The following ARIH2 variants were observed in gnomAD, a reference collection of about 807,000 sequenced individuals.
ARIH2 encodes the protein ariadne RBR E3 ubiquitin protein ligase 2.
A neutral mutation model predicts 79.8 loss-of-function variants in ARIH2; 12 were observed. The ratio of observed to expected loss-of-function variants is 0.15; its 90% CI spans 0.10 to 0.24. The LOEUF (loss-of-function observed/expected upper bound fraction) is 0.24. Ranked by LOEUF, ARIH2 falls within the 10% of genes least tolerant of loss-of-function variation. The pLI is 1.00. For missense variants in ARIH2, 301 were observed against 618.3 expected (o/e 0.49, Z 5.44); for synonymous variants, 224 against 213.9 (o/e 1.05, Z -0.41).
intron 3 of ARIH2, 34 bp downstream of exon 3, chr3:48,927,847 C>G: frequency 6.2e-7 from 1 of 1,604,296 alleles, no homozygotes; most frequent in Non-Finnish European, 8.5e-7. Context: ...TGTAATCCCC[C>G]CCAGTTAAAT....
intron 3 of ARIH2, chr3:48,934,574 A>C (rs959082353): frequency 1.0e-6 from 1 of 985,448 alleles, no homozygotes; most frequent in East Asian, 1.1e-4. Flanking sequence ...CCTCTATCTA[A>C]GTAGAACTTA....
chr3:48,967,145 T>C lies in ARIH2; in HGVS notation c.408T>C (p.Pro136=). The change falls in exon 6 of 16, where the codon CCT becomes CCC. Residue 136 remains proline (P), a synonymous_variant. Coordinates refer to ENST00000356401, the MANE Select transcript of ARIH2 (RefSeq NM_006321.4). ...TCCAGGTTCCCACATCCCATCCCCC[T>C]CACCACTGTGCAGTGTGTATGCAGT... ...PSKHVPTSHP[P]HHCAVCMQFV... The C allele has an allele frequency of 1.2e-6, 2 of 1,613,870 alleles. No homozygotes were observed. The highest frequency in any genetic ancestry group is 4.5e-5 in the East Asian group (2 of 44,864).
intron 11 of ARIH2, among the ~76,000 whole-genome samples, chr3:48,979,177 A>G (rs2092663944): frequency 6.6e-6 from 1 of 152,214 alleles, no homozygotes; most frequent in Non-Finnish European, 1.5e-5. Context: ...TGGCATTGAC[A>G]TAGCAGACCA....
Position 48,973,638 on chromosome 3 carries a change from A to G in ARIH2, c.771-61A>G. On this transcript the variant is annotated intron_variant, in intron 8 of 15. Coordinates refer to ENST00000356401, the MANE Select transcript of ARIH2 (RefSeq NM_006321.4). ...ATTTGTTGGCTTGGATAAAAGGAAA[A>G]TTTTGAACATGGGACCCTGACTTAA... 8.3e-6 allele frequency: 11 copies of G among 1,327,320 alleles called. No individual in the cohort carries two copies. The South Asian group carries it at 1.4e-4, about 17-fold the overall frequency. The allele number at this position is 1,327,320 out of a possible 1,614,324, so 82.2% of individuals were successfully genotyped here.
At chr3:48,982,274 A>G (rs556720337) in intron 14 of ARIH2, among the ~76,000 whole-genome samples, 2 of 152,358 alleles carry the variant, frequency 1.3e-5, no homozygotes, top group African/African-American at 4.8e-5. Flanking sequence ...AAGGTTATAT[A>G]TAACATTTTA....
At chr3:48,971,410 A>G (rs920831868) in intron 8 of ARIH2, among the ~76,000 whole-genome samples, 2 of 152,106 alleles carry the variant, frequency 1.3e-5, no homozygotes, top group Admixed American at 6.5e-5. Context: ...ATGCCCAGCT[A>G]ATTTTTGTAT....
At chr3:48,946,843 G>C (rs1391261802) in intron 3 of ARIH2, among the ~76,000 whole-genome samples, 1 of 152,022 alleles carries the variant, frequency 6.6e-6, no homozygotes, top group Non-Finnish European at 1.5e-5. Flanking sequence ...GCCTTCTCTG[G>C]ACTACCCAGA....
At chr3:48,933,294 A>C (rs2086641708) in intron 3 of ARIH2, among the ~76,000 whole-genome samples, 1 of 140,288 alleles carries the variant, frequency 7.1e-6, no homozygotes, top group Non-Finnish European at 1.5e-5. Flanking sequence ...GTGTGATCAC[A>C]GGTGCGCACC....
rs1425235862 is a variant in ARIH2, at chr3:48,918,912, G to A, written c.-248G>A. The A allele has an allele frequency of 1.9e-6, 3 of 1,600,650 alleles. No homozygotes were observed. The highest frequency in any genetic ancestry group is 2.5e-6 in the Non-Finnish European group (3 of 1,176,852). On this transcript the variant is annotated 5_prime_UTR_variant, in exon 1 of 16. Coordinates refer to ENST00000356401, the MANE Select transcript of ARIH2 (RefSeq NM_006321.4). The stretch of plus-strand genomic sequence containing the variant: ...CCGGCGTCGGCCCGCCGCCTCCGCT[G>A]CCGCTTCGCCCCAATCCGGTCCCTC...
chr3:48,946,144 A>G (rs550685256), intron 3 of ARIH2, among the ~76,000 whole-genome samples: 1 of 152,210 alleles, frequency 6.6e-6, no homozygotes, highest in South Asian at 2.1e-4. Context: ...TATTCACTTC[A>G]TTACATCTCT....
chr3:48,979,740 A>C, intron 12 of ARIH2, 107 bp downstream of exon 12: 1 of 1,272,066 alleles, frequency 7.9e-7, no homozygotes. Flanking sequence ...TGCACATAGA[A>C]GTCAGTGAAT....
chr3:48,933,070 G>A (rs189544106), intron 3 of ARIH2, among the ~76,000 whole-genome samples: 20 of 152,310 alleles, frequency 1.3e-4, no homozygotes, highest in African/African-American at 4.3e-4. Flanking sequence ...ATAGGAATAG[G>A]TTTTTAATAG....
intron 13 of ARIH2, 107 bp downstream of exon 13, chr3:48,980,603 G>C: frequency 7.6e-7 from 1 of 1,312,688 alleles, no homozygotes; most frequent in Non-Finnish European, 1.0e-6. Context: ...TTAGCACCCT[G>C]TGCAGCCTTT....
At chr3:48,932,648 A>G (rs1024979052) in intron 3 of ARIH2, among the ~76,000 whole-genome samples, 1 of 152,232 alleles carries the variant, frequency 6.6e-6, no homozygotes, top group South Asian at 2.1e-4. Flanking sequence ...AAGCCCAGGC[A>G]GGATCATGAC....
chr3:48,966,357 T>G (rs963063867), intron 5 of ARIH2, among the ~76,000 whole-genome samples: 5 of 152,210 alleles, frequency 3.3e-5, no homozygotes, highest in African/African-American at 1.2e-4. Context: ...CTAATGTTCT[T>G]GTAAGTGGAC....
At chr3:48,934,797 C>T (rs2086887401) in intron 3 of ARIH2, 1 of 985,260 alleles carries the variant, frequency 1.0e-6, no homozygotes, top group South Asian at 4.7e-5. Context: ...TTATTGTCAT[C>T]GCTGTGTACC....
At chr3:48,927,874 G>T in intron 3 of ARIH2, 61 bp downstream of exon 3, 1 of 1,572,946 alleles carries the variant, frequency 6.4e-7, no homozygotes, top group Non-Finnish European at 8.6e-7. Flanking sequence ...ATGAGCTGTT[G>T]TTAATTAATG....
chr3:48,920,420 C>CT (rs1231760268), intron 1 of ARIH2, among the ~76,000 whole-genome samples: 24 of 111,340 alleles, frequency 2.2e-4, no homozygotes, highest in South Asian at 1.1e-3. Flanking sequence ...AGTTCTCTCT[C>CT]TTTTTTTTTT....
At chr3:48,931,344 G>A (rs1453376277) in intron 3 of ARIH2, among the ~76,000 whole-genome samples, 1 of 151,146 alleles carries the variant, frequency 6.6e-6, no homozygotes, top group Non-Finnish European at 1.5e-5. Flanking sequence ...AGGAGATCAA[G>A]ATCATCCTGG....
Sources: allele counts gnomAD v4.1 joint callset (sites outside exome capture counted in the v4.1 genomes callset), GRCh38; gene constraint gnomAD v4.1.1; transcripts MANE v1.5; gene names NCBI Gene and HGNC (gene_info 2026-07-23, HGNC 2026-07-21).